BCKDHB: variants seen among roughly 807,000 people sequenced by gnomAD.
BCKDHB encodes the protein branched chain keto acid dehydrogenase E1 subunit beta, also known as 2-oxoisovalerate dehydrogenase subunit beta, mitochondrial.
A neutral mutation model predicts 48.5 loss-of-function variants in BCKDHB; 41 were observed. The ratio of observed to expected loss-of-function variants is 0.85; its 90% CI spans 0.66 to 1.10. BCKDHB has a LOEUF of 1.10. Among genes scored for constraint, BCKDHB ranks in the 50% least tolerant of loss-of-function variants. The pLI is 0.00. For missense variants in BCKDHB, 496 were observed against 494.2 expected, an observed-to-expected ratio of 1.00 and a Z score of -0.03; for synonymous variants, 201 against 174.8, an observed-to-expected ratio of 1.15 and a Z score of -1.18.
chr6:80,151,621 G>C (rs554100452), intron 3 of BCKDHB, among the ~76,000 whole-genome samples: 1 of 152,098 alleles, frequency 6.6e-6, no homozygotes, highest in South Asian at 2.1e-4. Flanking sequence ...TCATTCTCTT[G>C]AGCTTTCTTT....
chr6:80,206,446 G>A (rs918160965), intron 8 of BCKDHB, among the ~76,000 whole-genome samples: 1 of 151,954 alleles, frequency 6.6e-6, no homozygotes, highest in East Asian at 1.9e-4. Flanking sequence ...AGATATTGGA[G>A]TTAGCAGACA....
the BCKDHB span, among the ~76,000 whole-genome samples, chr6:80,408,544 G>C: frequency 9.9e-5 from 15 of 151,926 alleles, no homozygotes; most frequent in African/African-American, 3.4e-4. Flanking sequence ...AACTGTTATT[G>C]GTCTATACAG....
At chr6:80,288,829 C>CT (rs1330642622) in intron 9 of BCKDHB, among the ~76,000 whole-genome samples, 2 of 151,806 alleles carry the variant, frequency 1.3e-5, no homozygotes, top group African/African-American at 4.8e-5. Context: ...AGATATTACT[C>CT]TGAGAGTTAA....
the BCKDHB span, among the ~76,000 whole-genome samples, chr6:80,392,037 G>T: frequency 6.6e-6 from 1 of 151,970 alleles, no homozygotes; most frequent in African/African-American, 2.4e-5. Flanking sequence ...CTGTTGCCCA[G>T]GCTGGAGTGC....
chr6:80,291,417 A>G (rs562718695), intron 9 of BCKDHB, among the ~76,000 whole-genome samples: 1 of 152,328 alleles, frequency 6.6e-6, no homozygotes, highest in Admixed American at 6.5e-5. Context: ...TGGAATATTA[A>G]TAAGTATTTA....
chr6:80,164,878 A>G (rs146973958), intron 3 of BCKDHB, among the ~76,000 whole-genome samples: 1 of 152,302 alleles, frequency 6.6e-6, no homozygotes, highest in Non-Finnish European at 1.5e-5. Context: ...GAAGTCATCA[A>G]TATTGTGTGT....
chr6:80,397,310 T>C, the BCKDHB span, among the ~76,000 whole-genome samples: 1 of 152,200 alleles, frequency 6.6e-6, no homozygotes, highest in Non-Finnish European at 1.5e-5. Flanking sequence ...CTCTGTTTTT[T>C]AGTTTTGGAA....
intron 8 of BCKDHB, among the ~76,000 whole-genome samples, chr6:80,261,591 A>C (rs538209970): frequency 1.4e-4 from 21 of 152,252 alleles, no homozygotes; most frequent in African/African-American, 4.8e-4. Flanking sequence ...TACCACGAGA[A>C]TACACGAATC....
At chr6:80,111,458 C>T (rs1457243978) in intron 1 of BCKDHB, among the ~76,000 whole-genome samples, 1 of 152,154 alleles carries the variant, frequency 6.6e-6, no homozygotes, top group Non-Finnish European at 1.5e-5. Context: ...GCATTTTTGG[C>T]AGGGGACTGG....
chr6:80,149,658 A>G (rs2127751937), intron 3 of BCKDHB, among the ~76,000 whole-genome samples: 1 of 151,412 alleles, frequency 6.6e-6, no homozygotes, highest in Non-Finnish European at 1.5e-5. Flanking sequence ...ATAAAAAATG[A>G]TGAGTTCATG....
Position 80,344,535 on chromosome 6 carries a change from C to T in BCKDHB, c.*731C>T, listed in dbSNP as rs4706117. 0.41 allele frequency: 62,005 copies of T among 151,882 alleles called. 15,155 individuals are homozygous for T. The highest frequency in any genetic ancestry group is 0.58 in the Admixed American group (8,882 of 15,256). The allele number at this position is 151,882 out of a possible 1,614,324, so 9.4% of individuals were successfully genotyped here. On this transcript the variant is annotated 3_prime_UTR_variant, in exon 10 of 10. Transcript: ENST00000320393. ...TAATTTTTTATATTTTTAGTAGAGA[C>T]GGGGTTTCACCATGTTGGCCAGGAT...
chr6:80,221,412 G>A (rs1775446963), intron 8 of BCKDHB, among the ~76,000 whole-genome samples: 1 of 152,130 alleles, frequency 6.6e-6, no homozygotes, highest in African/African-American at 2.4e-5. Context: ...TACTCAGTCT[G>A]TCATCTTGAA....
chr6:80,420,424 T>G, the BCKDHB span, among the ~76,000 whole-genome samples: 2 of 152,292 alleles, frequency 1.3e-5, no homozygotes, highest in South Asian at 2.1e-4. Flanking sequence ...CTTTCTCCAG[T>G]TTTATAAAGC....
the BCKDHB span, among the ~76,000 whole-genome samples, chr6:80,424,036 C>G: frequency 6.6e-6 from 1 of 152,118 alleles, no homozygotes. Context: ...AAACATCTAT[C>G]TATTAATTTT....
intron 6 of BCKDHB, among the ~76,000 whole-genome samples, chr6:80,177,217 C>G (rs530605163): frequency 1.1e-5 from 1 of 93,266 alleles, no homozygotes; most frequent in African/African-American, 4.7e-5. Context: ...GACAGTGAGA[C>G]CTTGTCTCAA....
intron 4 of BCKDHB, among the ~76,000 whole-genome samples, chr6:80,168,471 G>A (rs1252963013): frequency 3.2e-5 from 4 of 125,372 alleles, no homozygotes; most frequent in Non-Finnish European, 5.1e-5. Context: ...AGGGAGTGAT[G>A]GGATCCTGTC....
At chr6:80,437,287 G>A in the BCKDHB span, among the ~76,000 whole-genome samples, 1 of 152,068 alleles carries the variant, frequency 6.6e-6, no homozygotes, top group African/African-American at 2.4e-5. Context: ...TTTTATTTCT[G>A]GAAAACAATC....
At chr6:80,409,630 A>G in the BCKDHB span, among the ~76,000 whole-genome samples, 13 of 92,858 alleles carry the variant, frequency 1.4e-4, no homozygotes, top group African/African-American at 3.6e-4. Flanking sequence ...ATATATATAT[A>G]TGATAGTTAG....
chr6:80,423,586 A>G, the BCKDHB span, among the ~76,000 whole-genome samples: 1 of 152,210 alleles, frequency 6.6e-6, no homozygotes, highest in Non-Finnish European at 1.5e-5. Context: ...GTTCAAATCT[A>G]TAGCTTTAAG....
Sources: allele counts gnomAD v4.1 joint callset (sites outside exome capture counted in the v4.1 genomes callset), GRCh38; gene constraint gnomAD v4.1.1; transcripts MANE v1.5; gene names NCBI Gene and HGNC (gene_info 2026-07-23, HGNC 2026-07-21).